RUNX1: variants seen among roughly 807,000 people sequenced by gnomAD.
RUNX1 encodes the protein runt-related transcription factor 1.
In RUNX1, 19 loss-of-function variants were observed where a neutral mutation model predicts 42.8. The observed-to-expected ratio is 0.44, with a 90% CI of 0.31 to 0.65. The LOEUF (loss-of-function observed/expected upper bound fraction) is 0.65. Ranked by LOEUF, RUNX1 falls within the 30% of genes least tolerant of loss-of-function variation. RUNX1 has a pLI of 0.07. For synonymous variants in RUNX1, 271 were observed against 289.4 expected (o/e 0.94, Z 0.64); for missense variants, 528 against 672.0 (o/e 0.79, Z 2.37).
At chr21:34,911,510 G>A (rs1398192240) in intron 2 of RUNX1, among the ~76,000 whole-genome samples, 6 of 152,166 alleles carry the variant, frequency 3.9e-5, no homozygotes, top group Admixed American at 2.6e-4. Flanking sequence ...TGGGAGAAAA[G>A]AGGAACAGCC....
intron 5 of RUNX1, among the ~76,000 whole-genome samples, chr21:34,862,904 A>G (rs779611946): frequency 6.6e-5 from 10 of 152,218 alleles, no homozygotes; most frequent in South Asian, 2.1e-4. Flanking sequence ...CCTCTGGAAC[A>G]GTCTTGCTCC....
rs913141603 is a variant in RUNX1 at position 34,908,253 on chromosome 21, A to G, written c.59-15290T>C. ...TACAGAGAATTCTTTGAAATTCTCA[A>G]GAAATAATGCAATGAGATGCAAAAG... On this transcript the variant is annotated intron_variant, in intron 2 of 8. Coordinates refer to ENST00000675419, the MANE Select transcript of RUNX1 (RefSeq NM_001754.5). Among the ~76,000 whole-genome samples the G allele has an allele frequency of 3.9e-5, 6 of 152,358 alleles. No homozygotes were observed. The East Asian group carries it at 1.2e-3, about 29-fold the overall frequency.
intron 6 of RUNX1, among the ~76,000 whole-genome samples, chr21:34,837,809 G>A (rs756856042): frequency 1.3e-5 from 2 of 152,072 alleles, no homozygotes; most frequent in Non-Finnish European, 2.9e-5. Flanking sequence ...TTTACAGGGC[G>A]GTGCTTTAAA....
At chr21:34,969,329 T>C (rs2058743517) in intron 2 of RUNX1, among the ~76,000 whole-genome samples, 1 of 151,812 alleles carries the variant, frequency 6.6e-6, no homozygotes, top group Admixed American at 6.6e-5. Context: ...ACAGGTTGTC[T>C]AGCCACAAAC....
intron 5 of RUNX1, among the ~76,000 whole-genome samples, chr21:34,869,450 G>A (rs1289610368): frequency 1.3e-5 from 2 of 152,146 alleles, no homozygotes; most frequent in African/African-American, 4.8e-5. Flanking sequence ...GCTAATAGAT[G>A]TGTGTGTTTT....
At chr21:35,008,352 G>T (rs997229447) in intron 2 of RUNX1, among the ~76,000 whole-genome samples, 1 of 152,196 alleles carries the variant, frequency 6.6e-6, no homozygotes, top group East Asian at 1.9e-4. Flanking sequence ...TTCACATTCT[G>T]ATCCTCCCTC....
intron 2 of RUNX1, among the ~76,000 whole-genome samples, chr21:35,019,047 T>C (rs1377567865): frequency 6.6e-6 from 1 of 152,228 alleles, no homozygotes; most frequent in African/African-American, 2.4e-5. Context: ...CTCAAAAGTC[T>C]CCATAGGTCT....
At position 34,901,868 on chromosome 21, in the gene RUNX1, G is replaced by A. The variant is rs998392525; in HGVS notation, c.59-8905C>T. On this transcript the variant is annotated intron_variant, in intron 2 of 8. Coordinates refer to ENST00000675419, the MANE Select transcript of RUNX1 (RefSeq NM_001754.5). The surrounding 1 kb of genome is among the most constrained non-coding windows in gnomAD (Gnocchi z 4.3). ...CATGGCTTTCAGTTCCCTAATTGGC[G>A]AATGTCACACTAGTAAGATTTTCTG... is the stretch of plus-strand genomic sequence containing the variant. 3.3e-5 allele frequency among the ~76,000 whole-genome samples: 5 copies of A among 152,182 alleles called. No individual in the cohort carries two copies. The highest frequency in any genetic ancestry group is 4.8e-5 in the African/African-American group (2 of 41,436).
At chr21:35,026,690 T>C (rs1215942191) in intron 2 of RUNX1, among the ~76,000 whole-genome samples, 2 of 152,204 alleles carry the variant, frequency 1.3e-5, no homozygotes, top group African/African-American at 4.8e-5. Flanking sequence ...GACTTGTTGG[T>C]GGATCCATCC....
chr21:34,849,150 GTACTGCC>G, intron 6 of RUNX1, among the ~76,000 whole-genome samples: 1 of 144,456 alleles, frequency 6.9e-6, no homozygotes, highest in Non-Finnish European at 1.5e-5. Context: ...CCAAACCAAT[GTACTGCC>G]TTTAAATAAC....
chr21:34,825,690 G>C (rs1420219065), intron 7 of RUNX1, among the ~76,000 whole-genome samples: 3 of 152,322 alleles, frequency 2.0e-5, no homozygotes, highest in African/African-American at 7.2e-5. Flanking sequence ...AGTTTGAACG[G>C]TGGCTCCAGA....
In RUNX1 at chr21:35,046,818, C is replaced by T. The variant is rs879763300; in HGVS notation, c.58+2024G>A. On this transcript the variant is annotated intron_variant, in intron 2 of 8. Transcript: ENST00000675419. ...AGAGATTCTAAAGAACCCTGAGTTC[C>T]TTTCACTGAAAGGAAGGAGTGGAAA... is the stretch of plus-strand genomic sequence containing the variant. 2.0e-5 allele frequency among the ~76,000 whole-genome samples: 3 copies of T among 152,198 alleles called. No homozygotes were observed. The South Asian group carries it at 6.2e-4, about 32-fold the overall frequency.
chr21:34,862,883 G>A (rs1031343840), intron 5 of RUNX1, among the ~76,000 whole-genome samples: 6 of 152,162 alleles, frequency 3.9e-5, no homozygotes, highest in African/African-American at 7.2e-5. Flanking sequence ...ACAGGCACGC[G>A]TGTGTTTTAC....
chr21:35,025,469 C>T (rs1456110572), intron 2 of RUNX1, among the ~76,000 whole-genome samples: 2 of 152,242 alleles, frequency 1.3e-5, no homozygotes, highest in African/African-American at 4.8e-5. Flanking sequence ...AGTTCCCCAA[C>T]AGGCTATGCA....
chr21:34,942,782 C>A (rs1307866520), intron 2 of RUNX1, among the ~76,000 whole-genome samples: 2 of 152,170 alleles, frequency 1.3e-5, no homozygotes, highest in African/African-American at 4.8e-5. Flanking sequence ...AGATGGCAAA[C>A]CACATTGGTT....
Position 35,020,638 on chromosome 21 carries a change from C to A in RUNX1, c.58+28204G>T, listed in dbSNP as rs533905567. Among the ~76,000 whole-genome samples the A allele has an allele frequency of 1.2e-3, 182 of 152,216 alleles. 1 individual carries two copies. In the South Asian group the frequency reaches 0.036, roughly 30 times the overall value. ...AGGATGGGGAAGAGGAAGCTGCCAA[C>A]GTCACCTGGCTGCTGCATCGACTTC... On this transcript the variant is annotated intron_variant, in intron 2 of 8. Transcript: ENST00000675419.
intron 7 of RUNX1, chr21:34,821,814 A>C (rs2146002377): frequency 1.2e-6 from 1 of 829,936 alleles, no homozygotes; most frequent in Admixed American, 3.0e-5. Flanking sequence ...TGAGGAAATC[A>C]GGAAGAGATT....
Position 34,950,161 on chromosome 21 carries a change from G to A in RUNX1, c.59-57198C>T, listed in dbSNP as rs78577822. Among the ~76,000 whole-genome samples, 641 of 152,354 alleles carry A rather than the reference G, an allele frequency of 4.2e-3. 4 individuals are homozygous for A. Among genetic ancestry groups the A allele is most frequent in the Middle Eastern group, 0.014 (4 of 294 alleles). ...AGGAGAGAGACTGATACAAAGTTAA[G>A]TCATTGCAACAGGTCTTCTAGCTAC... On this transcript the variant is annotated intron_variant, in intron 2 of 8. Coordinates refer to ENST00000675419, the MANE Select transcript of RUNX1 (RefSeq NM_001754.5).
chr21:34,884,116 T>G (rs2057945891), intron 4 of RUNX1, among the ~76,000 whole-genome samples: 1 of 152,162 alleles, frequency 6.6e-6, no homozygotes, highest in South Asian at 2.1e-4. Flanking sequence ...TTAGGCTAAT[T>G]CTGTAAGTAC....
Sources: gnomAD v4.1 joint callset for allele counts (sites outside exome capture counted in the v4.1 genomes callset) on GRCh38, gnomAD v4.1.1 for gene constraint, Gnocchi (gnomAD v3.1) non-coding constraint, MANE v1.5 for transcripts, NCBI Gene and HGNC (gene_info 2026-07-23, HGNC 2026-07-21) for gene names.